The following ARHGAP26 variants were observed in gnomAD, a reference collection of about 807,000 sequenced individuals.
ARHGAP26 encodes rho GTPase-activating protein 26.
ARHGAP26 carries 38 observed loss-of-function variants against 104.8 expected under a neutral mutation model. The observed-to-expected ratio is 0.36, with a 90% CI of 0.28 to 0.48. The LOEUF (loss-of-function observed/expected upper bound fraction) is 0.48. Among genes scored for constraint, ARHGAP26 ranks in the 20% least tolerant of loss-of-function variants. ARHGAP26 has a pLI of 0.99. For missense variants in ARHGAP26, 704 were observed against 947.9 expected (o/e 0.74, Z 3.38); for synonymous variants, 341 against 340.0 (o/e 1.00, Z -0.03).
chr5:142,820,463 A>G (rs569329116), intron 1 of ARHGAP26, among the ~76,000 whole-genome samples: 2 of 152,304 alleles, frequency 1.3e-5, no homozygotes, highest in Non-Finnish European at 2.9e-5. Context: ...ACAAACAAAA[A>G]AAACCCACCT....
At chr5:142,996,584 A>C (rs1371353545) in intron 11 of ARHGAP26, among the ~76,000 whole-genome samples, 1 of 152,182 alleles carries the variant, frequency 6.6e-6, no homozygotes, top group East Asian at 1.9e-4. Flanking sequence ...ACTAAAAGCA[A>C]GTACTAATTT....
chr5:143,171,770 G>C (rs746451699), intron 20 of ARHGAP26, among the ~76,000 whole-genome samples: 2 of 152,040 alleles, frequency 1.3e-5, no homozygotes, highest in Non-Finnish European at 2.9e-5. Context: ...TTGTCACTAC[G>C]CTTTCTTCCA....
chr5:142,873,589 T>G, intron 2 of ARHGAP26, 94 bp downstream of exon 2: 1 of 823,714 alleles, frequency 1.2e-6, no homozygotes, highest in Non-Finnish European at 1.8e-6. Flanking sequence ...AGGAAGTCTC[T>G]AAGGTTAGTA....
At chr5:143,154,838 T>C (rs1229368779) in intron 20 of ARHGAP26, among the ~76,000 whole-genome samples, 2 of 152,186 alleles carry the variant, frequency 1.3e-5, no homozygotes, top group Non-Finnish European at 2.9e-5. Flanking sequence ...ATTAGACAAG[T>C]GATAATTCAT....
At chr5:143,002,100 CGA>C (rs1225166819) in intron 11 of ARHGAP26, among the ~76,000 whole-genome samples, 1 of 152,118 alleles carries the variant, frequency 6.6e-6, no homozygotes, top group Non-Finnish European at 1.5e-5. Context: ...GCATCAGCCT[CGA>C]GTTGCAATGA....
intron 1 of ARHGAP26, among the ~76,000 whole-genome samples, chr5:142,807,639 C>G (rs1181469543): frequency 6.6e-6 from 1 of 152,174 alleles, no homozygotes; most frequent in Non-Finnish European, 1.5e-5. Context: ...GCCCTCTTCA[C>G]CCTTTTTGTT....
chr5:142,894,726 A>G (rs1344185420), intron 6 of ARHGAP26, among the ~76,000 whole-genome samples: 1 of 152,168 alleles, frequency 6.6e-6, no homozygotes, highest in East Asian at 1.9e-4. Context: ...TCTTCCTCAA[A>G]TAATTCAGAT....
At chr5:143,118,899 C>G (rs1308172201) in intron 17 of ARHGAP26, among the ~76,000 whole-genome samples, 2 of 151,232 alleles carry the variant, frequency 1.3e-5, no homozygotes, top group Non-Finnish European at 2.9e-5. Context: ...TGTAACAAAC[C>G]TGCACATTGT....
rs17100126 is a variant in ARHGAP26 at position 143,192,260 on chromosome 5, G to A, written c.1989-14938G>A. 8.1e-3 allele frequency among the ~76,000 whole-genome samples: 1,232 copies of A among 152,322 alleles called. 60 individuals are homozygous for A. Among genetic ancestry groups the A allele is most frequent in the Admixed American group, 0.071 (1,088 of 15,300 alleles). On this transcript the variant is annotated intron_variant, in intron 20 of 22. Coordinates refer to ENST00000645722, the MANE Select transcript of ARHGAP26 (RefSeq NM_001135608.3). ...TCAAAGAAGCCTGAGGAAGGAGGTC[G>A]CATTTGAAATGGGCTTTGAGTGGCG...
chr5:142,948,008 G>A (rs1767424003), intron 11 of ARHGAP26, among the ~76,000 whole-genome samples: 1 of 152,108 alleles, frequency 6.6e-6, no homozygotes, highest in Non-Finnish European at 1.5e-5. Flanking sequence ...TCCAGCCTGG[G>A]CAACATAATC....
rs529489075 is a variant in ARHGAP26, at chr5:142,856,138, C to T, written c.155-17262C>T. On this transcript the variant is annotated intron_variant, in intron 1 of 22. Transcript: ENST00000645722. Reference sequence around the variant, plus strand: ...GCTGTGGGTGGTGTACGAGACTGACCTGGTCCCTGTCTTCTTGGAGCTGCC... The same window carrying T: ...GCTGTGGGTGGTGTACGAGACTGACTTGGTCCCTGTCTTCTTGGAGCTGCC... Among the ~76,000 whole-genome samples, 21 of 152,316 alleles carry T rather than the reference C, an allele frequency of 1.4e-4. No homozygotes were observed. The East Asian group carries it at 4.0e-3, about 29-fold the overall frequency.
At chr5:143,086,951 C>A (rs1443760361) in intron 17 of ARHGAP26, among the ~76,000 whole-genome samples, 1 of 152,204 alleles carries the variant, frequency 6.6e-6, no homozygotes, top group African/African-American at 2.4e-5. Flanking sequence ...TTATTGATAT[C>A]GCCCATTTGG....
At position 142,944,458 on chromosome 5, in the gene ARHGAP26, A is replaced by G. The variant is rs556058984; in HGVS notation, c.1107+12333A>G. 6.6e-5 allele frequency among the ~76,000 whole-genome samples: 10 copies of G among 152,340 alleles called. No homozygotes were observed. The South Asian group carries it at 2.1e-3, about 32-fold the overall frequency. The stretch of plus-strand genomic sequence containing the variant: ...TAATATTCCAGTAGATATTGCCAAT[A>G]GATAGCCCCACAAAAAAGCACCAAA... On this transcript the variant is annotated intron_variant, in intron 11 of 22. Transcript: ENST00000645722.
chr5:142,936,953 TGAA>T (rs1489412563), intron 11 of ARHGAP26, among the ~76,000 whole-genome samples: 7 of 152,136 alleles, frequency 4.6e-5, no homozygotes, highest in African/African-American at 1.4e-4. Context: ...TAGGACTAGA[TGAA>T]GAGTTTTTAG....
At chr5:143,216,608 A>G in intron 22 of ARHGAP26, 1 of 255,540 alleles carries the variant, frequency 3.9e-6, no homozygotes, top group South Asian at 4.4e-5. Context: ...TCCTATAGGT[A>G]TTGTTGAGAG....
At chr5:143,099,190 G>T (rs2150595723) in intron 17 of ARHGAP26, among the ~76,000 whole-genome samples, 1 of 152,284 alleles carries the variant, frequency 6.6e-6, no homozygotes, top group Non-Finnish European at 1.5e-5. Flanking sequence ...ATCTATCTTT[G>T]CAGAAGCTGA....
At chr5:143,167,307 TAAA>T (rs35142931) in intron 20 of ARHGAP26, among the ~76,000 whole-genome samples, 7 of 96,902 alleles carry the variant, frequency 7.2e-5, no homozygotes, top group East Asian at 6.1e-4. Context: ...ATCTCTACTT[TAAA>T]AAAAAAAAAA....
At chr5:142,772,748 C>T (rs750663989) in intron 1 of ARHGAP26, 10 of 533,344 alleles carry the variant, frequency 1.9e-5, no homozygotes, top group South Asian at 8.4e-5. Context: ...CAGTGCAGAG[C>T]TCTTGACTTC....
intron 17 of ARHGAP26, among the ~76,000 whole-genome samples, chr5:143,085,061 A>G (rs1206912304): frequency 1.3e-5 from 2 of 151,602 alleles, no homozygotes; most frequent in Non-Finnish European, 1.5e-5. Flanking sequence ...AAAAAAAAAA[A>G]AAAAAAGAAA....
Sources: allele counts gnomAD v4.1 joint callset (sites outside exome capture counted in the v4.1 genomes callset), GRCh38; gene constraint gnomAD v4.1.1; transcripts MANE v1.5; gene names NCBI Gene and HGNC (gene_info 2026-07-23, HGNC 2026-07-21).